LRFN5: variants seen among roughly 807,000 people sequenced by gnomAD.
LRFN5 encodes leucine-rich repeat and fibronectin type-III domain-containing protein 5.
In LRFN5, 24 loss-of-function variants were observed where a neutral mutation model predicts 45.6. The ratio of observed to expected loss-of-function variants is 0.53; its 90% CI spans 0.38 to 0.74. The LOEUF is 0.74. LRFN5 is among the 30% of genes least tolerant of loss of function. The probability of loss-of-function intolerance (pLI) is 0.00; values close to 1 mark genes in which losing one functional copy is unlikely to be tolerated. For missense variants in LRFN5, 776 were observed against 861.5 expected (o/e 0.90, Z 1.24); for synonymous variants, 340 against 313.8 (o/e 1.08, Z -0.88).
At position 41,807,732 on chromosome 14, in the gene LRFN5, G is replaced by T. The variant is rs557623069; in HGVS notation, c.-21+40703G>T. Among the ~76,000 whole-genome samples, 5 of 152,138 alleles carry T rather than the reference G, an allele frequency of 3.3e-5. No individual in the cohort carries two copies. The South Asian group carries it at 1.0e-3, about 32-fold the overall frequency. On this transcript the variant is annotated intron_variant, in intron 2 of 5. Transcript: ENST00000298119. ...AGCATGTGATGAAAAGAAAGTATAGGTAGCAGTAGATTAATAAGAATTTTC... is the reference window on the plus strand; with the variant it reads ...AGCATGTGATGAAAAGAAAGTATAGTTAGCAGTAGATTAATAAGAATTTTC...
At chr14:41,871,809 G>A (rs1890028782) in intron 2 of LRFN5, among the ~76,000 whole-genome samples, 1 of 151,984 alleles carries the variant, frequency 6.6e-6, no homozygotes, top group Non-Finnish European at 1.5e-5. Context: ...TCTTATCACA[G>A]TCCAACTTTT....
chr14:41,721,610 A>G (rs557968784), intron 1 of LRFN5, among the ~76,000 whole-genome samples: 13 of 152,196 alleles, frequency 8.5e-5, no homozygotes, highest in South Asian at 2.1e-4. Flanking sequence ...AAAAAAATGT[A>G]TCTCCTTTGT....
intron 2 of LRFN5, among the ~76,000 whole-genome samples, chr14:41,864,139 G>C (rs1267236370): frequency 1.3e-5 from 2 of 152,094 alleles, no homozygotes; most frequent in Non-Finnish European, 2.9e-5. Context: ...ACACACATGT[G>C]CGTGTGTCTT....
At chr14:41,645,122 A>G (rs1036142970) in intron 1 of LRFN5, among the ~76,000 whole-genome samples, 1 of 152,192 alleles carries the variant, frequency 6.6e-6, no homozygotes, top group East Asian at 1.9e-4. Context: ...GAAGTTATTA[A>G]TAATACTTAT....
chr14:41,733,238 C>T (rs765602787), intron 1 of LRFN5, among the ~76,000 whole-genome samples: 3 of 151,918 alleles, frequency 2.0e-5, no homozygotes, highest in Non-Finnish European at 4.4e-5. Flanking sequence ...GAGAACTCCA[C>T]GTGGGATGAA....
At chr14:41,695,424 T>C (rs987559187) in intron 1 of LRFN5, among the ~76,000 whole-genome samples, 3 of 151,928 alleles carry the variant, frequency 2.0e-5, no homozygotes, top group Admixed American at 2.0e-4. Context: ...CAAAACTACC[T>C]TCTATTGGAA....
chr14:41,819,221 T>C (rs1474046379), intron 2 of LRFN5, among the ~76,000 whole-genome samples: 1 of 152,152 alleles, frequency 6.6e-6, no homozygotes, highest in Non-Finnish European at 1.5e-5. Flanking sequence ...ATATGATTAT[T>C]GATTTTCCCT....
intron 1 of LRFN5, among the ~76,000 whole-genome samples, chr14:41,754,046 G>A (rs1885260275): frequency 6.6e-6 from 1 of 152,124 alleles, no homozygotes; most frequent in South Asian, 2.1e-4. Flanking sequence ...CTTTGGTTCT[G>A]TTTGTATGCT....
intron 2 of LRFN5, among the ~76,000 whole-genome samples, chr14:41,808,549 TGAAGGAAGGAAGGAAG>T (rs1167821700): frequency 3.3e-4 from 18 of 54,328 alleles, no homozygotes; most frequent in Non-Finnish European, 3.9e-4. Context: ...AAGGGAGGGA[TGAAGGAAGGAAGGAAG>T]GAAGGAAGGA....
intron 1 of LRFN5, among the ~76,000 whole-genome samples, chr14:41,703,690 G>A (rs538591351): frequency 4.3e-4 from 66 of 152,164 alleles, no homozygotes; most frequent in African/African-American, 1.6e-3. Context: ...CATTCTCAGA[G>A]TAAATGCCCC....
chr14:41,802,286 G>C (rs1887361679), intron 2 of LRFN5, among the ~76,000 whole-genome samples: 1 of 152,134 alleles, frequency 6.6e-6, no homozygotes, highest in Non-Finnish European at 1.5e-5. Context: ...GGAACAGGTT[G>C]TCAGGGATGG....
chr14:41,770,613 A>C (rs1272951513), intron 2 of LRFN5, among the ~76,000 whole-genome samples: 1 of 152,186 alleles, frequency 6.6e-6, no homozygotes, highest in Non-Finnish European at 1.5e-5. Flanking sequence ...CCTCGACTTC[A>C]TGTTCCACAG....
At chr14:41,783,214 G>T (rs1388938978) in intron 2 of LRFN5, among the ~76,000 whole-genome samples, 1 of 152,020 alleles carries the variant, frequency 6.6e-6, no homozygotes, top group Non-Finnish European at 1.5e-5. Context: ...TAAAATATAA[G>T]AATGTAGGGG....
intron 1 of LRFN5, among the ~76,000 whole-genome samples, chr14:41,654,884 CAGTAGTATAGTT>C (rs1261209201): frequency 2.6e-5 from 4 of 151,994 alleles, no homozygotes; most frequent in African/African-American, 9.7e-5. Context: ...ACCACATGAA[CAGTAGTATAGTT>C]AGTGGTTAGG....
At chr14:41,753,358 G>C (rs1332836871) in intron 1 of LRFN5, among the ~76,000 whole-genome samples, 2 of 152,198 alleles carry the variant, frequency 1.3e-5, no homozygotes, top group Non-Finnish European at 2.9e-5. Flanking sequence ...ACCTTGGGCA[G>C]TATGGCCATT....
rs1267854626 is a variant in LRFN5, at chr14:41,826,895, A to T, written c.-20-59711A>T. 2.0e-5 allele frequency among the ~76,000 whole-genome samples: 3 copies of T among 152,210 alleles called. 1 individual carries two copies. The highest frequency in any genetic ancestry group is 4.4e-5 in the Non-Finnish European group (3 of 67,980). On this transcript the variant is annotated intron_variant, in intron 2 of 5. Coordinates refer to ENST00000298119, the MANE Select transcript of LRFN5 (RefSeq NM_152447.5). ...ACAAAATAAGTAATTATTTTGATTC[A>T]CAAAATAAGTAATTATTTTGATTCA...
chr14:41,705,750 T>C (rs1014445536), intron 1 of LRFN5, among the ~76,000 whole-genome samples: 1 of 152,188 alleles, frequency 6.6e-6, no homozygotes, highest in African/African-American at 2.4e-5. Flanking sequence ...ATATACAGGG[T>C]TTACACATTT....
intron 1 of LRFN5, among the ~76,000 whole-genome samples, chr14:41,704,438 C>CTGTGTGTGTG (rs199862342): frequency 0.017 from 1,862 of 111,584 alleles, 35 homozygotes; most frequent in South Asian, 0.042. Flanking sequence ...CTCTCTCTCT[C>CTGTGTGTGTG]TCTCTCTCTC....
At chr14:41,666,851 A>G (rs755187946) in intron 1 of LRFN5, among the ~76,000 whole-genome samples, 15 of 152,160 alleles carry the variant, frequency 9.9e-5, no homozygotes, top group Non-Finnish European at 4.4e-5. Flanking sequence ...TGCAACAGTG[A>G]TAGTTAACCT....
Sources: gnomAD v4.1 joint callset for allele counts (sites outside exome capture counted in the v4.1 genomes callset) on GRCh38, gnomAD v4.1.1 for gene constraint, MANE v1.5 for transcripts, NCBI Gene and HGNC (gene_info 2026-07-23, HGNC 2026-07-21) for gene names.